The following XKR9 variants were observed in gnomAD, a reference collection of about 807,000 sequenced individuals.
The protein encoded by XKR9 is XK related 9.
A neutral mutation model predicts 32.0 loss-of-function variants in XKR9; 32 were observed. The observed-to-expected ratio is 1.00, with a 90% CI of 0.76 to 1.34. XKR9 has a LOEUF of 1.34. XKR9 is among the 40% of genes most tolerant of loss of function. The pLI is 0.00. For synonymous variants in XKR9, 168 were observed against 143.4 expected (o/e 1.17, Z -1.22); for missense variants, 546 against 429.7 (o/e 1.27, Z -2.39).
At chr8:70,922,545 G>A in the XKR9 span, among the ~76,000 whole-genome samples, 3 of 152,180 alleles carry the variant, frequency 2.0e-5, no homozygotes, top group Non-Finnish European at 4.4e-5. Flanking sequence ...TATTTTCCCA[G>A]TGATTATGGA....
intron 2 of XKR9, among the ~76,000 whole-genome samples, chr8:70,766,739 T>C (rs1807381549): frequency 1.3e-5 from 2 of 152,206 alleles, no homozygotes; most frequent in African/African-American, 4.8e-5. Flanking sequence ...GGGTTTGTCA[T>C]AAATAGCTCT....
At chr8:70,873,702 G>A in the XKR9 span, among the ~76,000 whole-genome samples, 15 of 152,340 alleles carry the variant, frequency 9.8e-5, no homozygotes, top group Non-Finnish European at 1.9e-4. Flanking sequence ...ATCTACTGGT[G>A]AAGATGCTGT....
At chr8:70,691,173 C>A (rs566061034) in intron 3 of XKR9, among the ~76,000 whole-genome samples, 1 of 152,276 alleles carries the variant, frequency 6.6e-6, no homozygotes, top group South Asian at 2.1e-4. Context: ...TGGTATTGAG[C>A]TTTTGCCATA....
the XKR9 span, among the ~76,000 whole-genome samples, chr8:71,060,321 C>G: frequency 6.6e-6 from 1 of 152,196 alleles, no homozygotes; most frequent in Non-Finnish European, 1.5e-5. Context: ...AGTCCTTGAC[C>G]AAGTTGACAG....
chr8:70,739,639 AG>A (rs1563462695), downstream of XKR9, among the ~76,000 whole-genome samples: 1 of 151,972 alleles, frequency 6.6e-6, no homozygotes, highest in Non-Finnish European at 1.5e-5. Flanking sequence ...TGCTTCCTTC[AG>A]GAGCTCTTTT....
chr8:70,735,525 C>G lies in XKR9; in HGVS notation c.*1101C>G, dbSNP rs927115700. 1 of 151,166 alleles carries G rather than the reference C, an allele frequency of 6.6e-6. No individual in the cohort carries two copies. Among genetic ancestry groups the G allele is most frequent in the South Asian group, 2.1e-4 (1 of 4,768 alleles). The allele number at this position is 151,166 out of a possible 1,614,324, so 9.4% of individuals were successfully genotyped here. On this transcript the variant is annotated 3_prime_UTR_variant, in exon 5 of 5. Transcript: ENST00000408926. ...ATGTGCACAATGTGCAGGTTAGTTA[C>G]ATATGTATACATGTGCCATGCTGGT...
chr8:70,902,522 G>A, the XKR9 span, among the ~76,000 whole-genome samples: 3 of 152,214 alleles, frequency 2.0e-5, no homozygotes, highest in Non-Finnish European at 4.4e-5. Context: ...AGACTTTGCT[G>A]AAGTTGCTTA....
chr8:70,803,155 T>C, the XKR9 span, among the ~76,000 whole-genome samples: 1 of 152,200 alleles, frequency 6.6e-6, no homozygotes, highest in African/African-American at 2.4e-5. Context: ...TTTTCCTTTA[T>C]TTTTTAAATT....
intron 2 of XKR9, among the ~76,000 whole-genome samples, chr8:70,748,531 T>C (rs910123475): frequency 2.0e-5 from 3 of 152,192 alleles, no homozygotes; most frequent in Non-Finnish European, 2.9e-5. Context: ...AGACTTTGGG[T>C]ACTGACAAGC....
At chr8:70,880,770 AC>A in the XKR9 span, among the ~76,000 whole-genome samples, 1 of 152,274 alleles carries the variant, frequency 6.6e-6, no homozygotes, top group South Asian at 2.1e-4. Flanking sequence ...GGAAAAAACT[AC>A]CTTAAAGTTC....
chr8:70,812,286 G>A, the XKR9 span, among the ~76,000 whole-genome samples: 11 of 152,234 alleles, frequency 7.2e-5, no homozygotes, highest in Middle Eastern at 3.4e-3. Context: ...TTGATGGGAC[G>A]TATCTCAAAA....
the XKR9 span, among the ~76,000 whole-genome samples, chr8:70,822,702 G>A: frequency 2.0e-5 from 3 of 151,850 alleles, no homozygotes; most frequent in African/African-American, 7.3e-5. Context: ...TTTAGCTTTA[G>A]CAGCAAGCAT....
chr8:70,871,426 T>C, the XKR9 span, among the ~76,000 whole-genome samples: 3 of 152,222 alleles, frequency 2.0e-5, no homozygotes, highest in Admixed American at 2.0e-4. Flanking sequence ...CAATAGCACA[T>C]GCTCACTTTG....
chr8:70,802,384 G>A, the XKR9 span, among the ~76,000 whole-genome samples: 4 of 152,174 alleles, frequency 2.6e-5, no homozygotes, highest in African/African-American at 4.8e-5. Context: ...TGCATGTGGA[G>A]TGGGTCTCCT....
At chr8:70,982,007 G>A in the XKR9 span, among the ~76,000 whole-genome samples, 1 of 152,216 alleles carries the variant, frequency 6.6e-6, no homozygotes, top group African/African-American at 2.4e-5. Flanking sequence ...TTCATGTCTT[G>A]CAGCCATGGA....
chr8:70,883,816 A>G, the XKR9 span, among the ~76,000 whole-genome samples: 1 of 152,132 alleles, frequency 6.6e-6, no homozygotes, highest in Non-Finnish European at 1.5e-5. Flanking sequence ...CCAAGTTTTG[A>G]CACCTATAAA....
the XKR9 span, among the ~76,000 whole-genome samples, chr8:71,011,549 T>C: frequency 3.9e-5 from 6 of 152,234 alleles, no homozygotes; most frequent in Non-Finnish European, 7.3e-5. Flanking sequence ...AGCATAAAGT[T>C]TAACTGCTTG....
rs1806776013 is a variant in XKR9 at position 70,734,099 on chromosome 8, T to C, written c.797T>C (p.Val266Ala). The C allele has an allele frequency of 1.2e-6, 2 of 1,612,768 alleles. No individual in the cohort carries two copies. The highest frequency in any genetic ancestry group is 1.3e-5 in the African/African-American group (1 of 75,022). Residue 266 changes from valine (V) to alanine (A), a missense_variant, in exon 5 of 5, where the codon GTT (valine) becomes GCT (alanine). Physicochemically the swap from Val to Ala is moderately conservative, Grantham distance 64 (BLOSUM62 0). Transcript: ENST00000408926. ...CISMEFLYRIVVGFILIFTFF... is the reference protein window; with the variant it reads ...CISMEFLYRIAVGFILIFTFF... The stretch of plus-strand genomic sequence containing the variant: ...AGTATGGAATTCTTATATAGGATTG[T>C]TGTTGGATTCATTCTTATCTTTACA...
At chr8:70,895,093 G>A in the XKR9 span, among the ~76,000 whole-genome samples, 1 of 152,160 alleles carries the variant, frequency 6.6e-6, no homozygotes, top group Non-Finnish European at 1.5e-5. Flanking sequence ...GAGCACTGCA[G>A]GGGACCCCAT....
Sources: gnomAD v4.1 joint callset for allele counts (sites outside exome capture counted in the v4.1 genomes callset) on GRCh38, gnomAD v4.1.1 for gene constraint, MANE v1.5 for transcripts, NCBI Gene and HGNC (gene_info 2026-07-23, HGNC 2026-07-21) for gene names.